The following RIF1 variants were observed in gnomAD, a reference collection of about 807,000 sequenced individuals.
RIF1 encodes telomere-associated protein RIF1.
RIF1 carries 45 observed loss-of-function variants against 247.1 expected under a neutral mutation model. The ratio of observed to expected loss-of-function variants is 0.18; its 90% confidence interval spans 0.14 to 0.23. The LOEUF is 0.23. Ranked by LOEUF, RIF1 falls within the 10% of genes least tolerant of loss-of-function variation. The pLI, the probability that RIF1 is intolerant of heterozygous loss-of-function variation, is 1.00. For synonymous variants in RIF1, 1,087 were observed against 978.8 expected (o/e 1.11, Z -2.06); for missense variants, 2,967 against 2,862.5 (o/e 1.04, Z -0.83).
At position 151,465,114 on chromosome 2, in the gene RIF1, G is replaced by A. The variant is rs1696708046; in HGVS notation, c.5594G>A (p.Cys1865Tyr). The A allele has an allele frequency of 1.2e-6, 2 of 1,612,628 alleles. No individual in the cohort carries two copies. The highest frequency in any genetic ancestry group is 1.7e-5 in the Admixed American group (1 of 59,690). ...GAAAATTTTAAAACTGTTGGCCCGT[G>A]TTTAGGAGACTCGAAAAATGTTTCA... is the stretch of plus-strand genomic sequence containing the variant. The part of the protein sequence containing the change: ...PNENFKTVGP[C>Y]LGDSKNVSQE... The change falls in exon 30 of 36, where the codon TGT (cysteine) becomes TAT (tyrosine). Residue 1865 changes from cysteine to tyrosine, a missense_variant. This residue lies in a region of RIF1 where 2,028 missense variants were observed against 1,825.6 expected (regional missense o/e 1.11). Transcript: ENST00000444746.
At chr2:151,455,563 C>A (rs115733712) in intron 22 of RIF1, among the ~76,000 whole-genome samples, 4,979 of 152,114 alleles carry the variant, frequency 0.033, 174 homozygotes, top group East Asian at 0.19. Flanking sequence ...TGGATCGAAA[C>A]TATTTAGAAA....
At chr2:151,434,181 A>G (rs563666368) in intron 10 of RIF1, among the ~76,000 whole-genome samples, 81 of 147,320 alleles carry the variant, frequency 5.5e-4, no homozygotes, top group East Asian at 2.7e-3. Flanking sequence ...AAAAAAAAAA[A>G]AGAGAGAAAT....
the RIF1 span, among the ~76,000 whole-genome samples, chr2:151,523,851 C>T: frequency 2.0e-5 from 3 of 151,900 alleles, no homozygotes; most frequent in African/African-American, 7.3e-5. Flanking sequence ...CTCATCCCTA[C>T]TTCCTAGCCC....
At chr2:151,459,060 A>T in intron 25 of RIF1, 150 bp downstream of exon 25, 2 of 550,468 alleles carry the variant, frequency 3.6e-6, no homozygotes, top group Non-Finnish European at 6.4e-6. Context: ...TTCTTTTGTG[A>T]TTTTTCACTA....
At chr2:151,526,102 C>T in the RIF1 span, 1 of 1,611,776 alleles carries the variant, frequency 6.2e-7, no homozygotes, top group Non-Finnish European at 8.5e-7. Context: ...ATTAAGGCAT[C>T]TGCCTGGGGC....
At chr2:151,513,815 C>A in the RIF1 span, 1 of 702,426 alleles carries the variant, frequency 1.4e-6, no homozygotes, top group Admixed American at 2.4e-5. Flanking sequence ...GTGTCGCTTG[C>A]TACTCTTCAC....
Position 151,411,271 on chromosome 2 carries a change from GAGA to G in RIF1, c.122_124del (p.Glu41del), listed in dbSNP as rs762483460. ...TCCTGCTTTTTAAGTCGTATGACTG[GAGA>G]AGAAGGAAAAGAAGTAATTACAGAA... On this transcript the variant is annotated inframe_deletion, in exon 3 of 36. Transcript: ENST00000444746. 1.6e-5 allele frequency: 26 copies of G among 1,597,708 alleles called. No homozygotes were observed. Among genetic ancestry groups the G allele is most frequent in the African/African-American group, 4.0e-5 (3 of 74,204 alleles).
rs7566841 is a variant in RIF1, at chr2:151,463,987, T to C, written c.4467T>C (p.Thr1489=). 4,597 of 1,608,422 alleles carry C rather than the reference T, an allele frequency of 2.9e-3. 122 individuals carry two copies. In the African/African-American group the frequency reaches 0.053, roughly 19 times the overall value. The change falls in exon 30 of 36, where the codon ACT becomes ACC. Residue 1489 remains threonine, a synonymous_variant. Transcript: ENST00000444746. ...AAGGAAGTAATTTACATGAGAAGAC[T>C]CTTGGGGAAACTAGTGCTAATGCAG... ...IEKGSNLHEK[T]LGETSANAET... is the part of the protein sequence containing the mutation.
At chr2:151,435,042 T>A (rs1361246601) in intron 10 of RIF1, among the ~76,000 whole-genome samples, 1 of 152,168 alleles carries the variant, frequency 6.6e-6, no homozygotes, top group Non-Finnish European at 1.5e-5. Context: ...TCATAATGAA[T>A]TTTCCAAATT....
chr2:151,425,660 C>CTT (rs34032157), intron 8 of RIF1, among the ~76,000 whole-genome samples: 6,156 of 83,666 alleles, frequency 0.074, 673 homozygotes, highest in East Asian at 0.16. Flanking sequence ...TTGTGGTACC[C>CTT]TTTTTTTTTT....
intron 9 of RIF1, among the ~76,000 whole-genome samples, chr2:151,429,434 G>T (rs1689671958): frequency 6.6e-6 from 1 of 152,124 alleles, no homozygotes; most frequent in Non-Finnish European, 1.5e-5. Context: ...GCCCTCCTTG[G>T]CCTCCCAAAT....
chr2:151,519,577 A>G, the RIF1 span: 673 of 995,726 alleles, frequency 6.8e-4, 1 homozygote, highest in Non-Finnish European at 9.1e-4. Flanking sequence ...AGTGTTATAA[A>G]TGCTACTGAA....
At chr2:151,414,113 G>A (rs529891515) in intron 3 of RIF1, among the ~76,000 whole-genome samples, 1 of 152,190 alleles carries the variant, frequency 6.6e-6, no homozygotes, top group African/African-American at 2.4e-5. Flanking sequence ...AGGAGTTTGA[G>A]ACCAGCCTGG....
chr2:151,459,952 A>G lies in RIF1; in HGVS notation c.2956-48A>G, dbSNP rs746235133. 4.2e-6 allele frequency: 6 copies of G among 1,423,104 alleles called. No individual in the cohort carries two copies. The African/African-American group carries it at 8.9e-5, about 21-fold the overall frequency. 88.2% of individuals were successfully genotyped at this position (1,423,104 alleles called of 1,614,324 possible). On this transcript the variant is annotated intron_variant, in intron 25 of 35. Transcript: ENST00000444746. ...TTCAAAACGTGAAAAGGAAAAGCAA[A>G]ATATTACCGTTCTATTTAATGAAAT...
intron 3 of RIF1, among the ~76,000 whole-genome samples, chr2:151,414,503 T>TGGAA (rs1368370172): frequency 1.3e-5 from 2 of 152,176 alleles, no homozygotes; most frequent in African/African-American, 4.8e-5. Flanking sequence ...GTTTACTCAG[T>TGGAA]GGAAGGGCCT....
chr2:151,457,754 T>C lies in RIF1; in HGVS notation c.2653-7T>C, dbSNP rs1397420439. On this transcript the variant is annotated splice_polypyrimidine_tract_variant and splice_region_variant and intron_variant, in intron 23 of 35. Coordinates refer to ENST00000444746, the MANE Select transcript of RIF1 (RefSeq NM_018151.5). ...ATGTTTTGCTTTTATTTTTTCGTTT[T>C]TCCTAGTTAGAAAAGCTACTGGGAG... 1.2e-6 allele frequency: 2 copies of C among 1,611,604 alleles called. No individual in the cohort carries two copies. Among genetic ancestry groups the C allele is most frequent in the Non-Finnish European group, 1.7e-6 (2 of 1,178,406 alleles).
intron 11 of RIF1, chr2:151,499,556 G>T: frequency 8.2e-6 from 4 of 489,068 alleles, no homozygotes; most frequent in South Asian, 2.7e-5. Context: ...AACATGTTTT[G>T]TATTTCCTTA....
chr2:151,415,960 C>T (rs1372585791), intron 4 of RIF1, among the ~76,000 whole-genome samples: 1 of 152,132 alleles, frequency 6.6e-6, no homozygotes, highest in Non-Finnish European at 1.5e-5. Context: ...AAGGAATATG[C>T]TGAATTGAAA....
chr2:151,525,071 T>A, the RIF1 span: 3 of 951,354 alleles, frequency 3.2e-6, no homozygotes, highest in Non-Finnish European at 3.4e-6. Context: ...ACAGAGGAAT[T>A]AGAGTGACCA....
Sources: gnomAD v4.1 joint callset for allele counts (sites outside exome capture counted in the v4.1 genomes callset) on GRCh38, gnomAD v4.1.1 for gene constraint, gnomAD v4.1.1 regional missense constraint, MANE v1.5 for transcripts, NCBI Gene and HGNC (gene_info 2026-07-23, HGNC 2026-07-21) for gene names.